The following EPB41L1 variants were observed in gnomAD, a reference collection of about 807,000 sequenced individuals.
The protein encoded by EPB41L1 is band 4.1-like protein 1.
In EPB41L1, 29 loss-of-function variants were observed where a neutral mutation model predicts 97.8. The ratio of observed to expected loss-of-function variants is 0.30; its 90% CI spans 0.22 to 0.40. The LOEUF is 0.40. Among genes scored for constraint, EPB41L1 ranks in the 10% least tolerant of loss-of-function variants. The pLI, the probability that EPB41L1 is intolerant of heterozygous loss-of-function variation, is 1.00. For missense variants in EPB41L1, 812 were observed against 1,162.3 expected (o/e 0.70, Z 4.38); for synonymous variants, 383 against 459.2 (o/e 0.83, Z 2.12).
chr20:36,120,888 G>A (rs1055773411), intron 2 of EPB41L1, among the ~76,000 whole-genome samples: 4 of 152,024 alleles, frequency 2.6e-5, no homozygotes, highest in Non-Finnish European at 4.4e-5. Flanking sequence ...AGGAGGTGGG[G>A]CCTTTGGGAG....
chr20:36,196,256 T>C (rs1037219266), intron 13 of EPB41L1, among the ~76,000 whole-genome samples: 1 of 152,218 alleles, frequency 6.6e-6, no homozygotes, highest in Non-Finnish European at 1.5e-5. Flanking sequence ...CAGTCCCCTG[T>C]CTGAACAGCA....
chr20:36,176,286 C>T (rs541002749), intron 3 of EPB41L1, among the ~76,000 whole-genome samples: 2 of 152,362 alleles, frequency 1.3e-5, no homozygotes, highest in East Asian at 3.9e-4. Context: ...GGTGACACAG[C>T]AGATGCCTCC....
intron 2 of EPB41L1, among the ~76,000 whole-genome samples, chr20:36,149,661 G>T (rs2059969479): frequency 6.6e-6 from 1 of 152,196 alleles, no homozygotes; most frequent in Admixed American, 6.5e-5. Context: ...TCCCAGAATG[G>T]TGGGTCATGC....
intron 1 of EPB41L1, among the ~76,000 whole-genome samples, chr20:36,161,681 G>A (rs772509087): frequency 2.6e-5 from 4 of 152,044 alleles, no homozygotes; most frequent in Non-Finnish European, 4.4e-5. Context: ...CACTGTGTTG[G>A]CCAGGCTGGT....
chr20:36,147,523 A>G (rs990635357), intron 2 of EPB41L1, among the ~76,000 whole-genome samples: 4 of 152,188 alleles, frequency 2.6e-5, no homozygotes, highest in African/African-American at 9.7e-5. Flanking sequence ...GTGACCTTGG[A>G]TGAGTGATTT....
chr20:36,146,551 G>A (rs569668173), intron 2 of EPB41L1, among the ~76,000 whole-genome samples: 7 of 152,328 alleles, frequency 4.6e-5, no homozygotes, highest in East Asian at 3.9e-4. Flanking sequence ...ACATTCAGGC[G>A]TCACTGCCTG....
chr20:36,153,306 T>C (rs569695072), upstream of EPB41L1, among the ~76,000 whole-genome samples: 15 of 151,822 alleles, frequency 9.9e-5, no homozygotes, highest in Non-Finnish European at 2.1e-4. Context: ...CCTGGCTCTA[T>C]AGTGTGTGAC....
At chr20:36,172,772 TG>T (rs1188426426) in intron 1 of EPB41L1, among the ~76,000 whole-genome samples, 1 of 152,158 alleles carries the variant, frequency 6.6e-6, no homozygotes, top group Non-Finnish European at 1.5e-5. Context: ...GGCTAATTTT[TG>T]TATTTTTAGT....
chr20:36,137,838 GA>G (rs2059478129), intron 2 of EPB41L1, among the ~76,000 whole-genome samples: 1 of 152,032 alleles, frequency 6.6e-6, no homozygotes, highest in Non-Finnish European at 1.5e-5. Context: ...TTTTTAATAT[GA>G]AAAAAGTGAA....
At chr20:36,155,830 G>C in intron 1 of EPB41L1, 1 of 351,832 alleles carries the variant, frequency 2.8e-6, no homozygotes, top group Non-Finnish European at 5.7e-6. Context: ...GCACCCAAAG[G>C]TGGGAATGTG....
intron 2 of EPB41L1, among the ~76,000 whole-genome samples, chr20:36,127,532 C>A (rs1237058650): frequency 6.6e-6 from 1 of 152,182 alleles, no homozygotes; most frequent in Non-Finnish European, 1.5e-5. Flanking sequence ...TTTCACTAAT[C>A]CTGGGCAGCA....
At chr20:36,200,942 G>A in intron 14 of EPB41L1, 1 of 456,866 alleles carries the variant, frequency 2.2e-6, no homozygotes, top group Non-Finnish European at 4.4e-6. Context: ...AGGCTTGGAA[G>A]TGTTCACTCA....
intron 13 of EPB41L1, among the ~76,000 whole-genome samples, chr20:36,196,198 C>G (rs2062193805): frequency 6.6e-6 from 1 of 152,198 alleles, no homozygotes; most frequent in Non-Finnish European, 1.5e-5. Flanking sequence ...TTCAACCCCA[C>G]TTCTGCCACC....
chr20:36,094,769 T>G (rs6060792), intron 1 of EPB41L1, among the ~76,000 whole-genome samples: 16 of 152,134 alleles, frequency 1.1e-4, no homozygotes, highest in African/African-American at 3.4e-4. Context: ...TCCCGGGACA[T>G]GGGAAAAGCT....
intron 2 of EPB41L1, among the ~76,000 whole-genome samples, chr20:36,137,431 G>A: frequency 6.6e-6 from 1 of 151,980 alleles, no homozygotes; most frequent in East Asian, 1.9e-4. Context: ...ATGTTGCCCA[G>A]GCTGGTCTCA....
chr20:36,143,806 A>G (rs576313319), intron 2 of EPB41L1, among the ~76,000 whole-genome samples: 2 of 151,950 alleles, frequency 1.3e-5, no homozygotes, highest in East Asian at 1.9e-4. Flanking sequence ...GCATTTTCAA[A>G]GGAAATCAGG....
chr20:36,171,958 C>CT (rs1047796996), intron 1 of EPB41L1, among the ~76,000 whole-genome samples: 1 of 151,876 alleles, frequency 6.6e-6, no homozygotes, highest in Non-Finnish European at 1.5e-5. Context: ...AGCTTCAAAG[C>CT]TTTTTTTTGA....
intron 1 of EPB41L1, chr20:36,155,881 C>T (rs1272779298): frequency 3.9e-6 from 1 of 255,904 alleles, no homozygotes; most frequent in African/African-American, 2.3e-5. Flanking sequence ...TGTGCGGGGT[C>T]CAGCGGCTTG....
intron 2 of EPB41L1, among the ~76,000 whole-genome samples, chr20:36,115,470 A>G (rs2058555738): frequency 6.6e-6 from 1 of 152,240 alleles, no homozygotes; most frequent in Non-Finnish European, 1.5e-5. Flanking sequence ...GCTGTGTGTT[A>G]GGTGTTTCAG....
Sources: gnomAD v4.1 joint callset for allele counts (sites outside exome capture counted in the v4.1 genomes callset) on GRCh38, gnomAD v4.1.1 for gene constraint, MANE v1.5 for transcripts, NCBI Gene and HGNC (gene_info 2026-07-23, HGNC 2026-07-21) for gene names.